Variants in TULP4 observed in about 807,000 individuals in gnomAD.
The protein encoded by TULP4 is tubby-related protein 4.
TULP4 carries 16 observed loss-of-function variants against 129.0 expected under a neutral mutation model. The observed-to-expected ratio is 0.12, with a 90% CI of 0.08 to 0.19. The LOEUF is 0.19. TULP4 is among the 10% of genes least tolerant of loss of function. The pLI, the probability that TULP4 is intolerant of heterozygous loss-of-function variation, is 1.00. For missense variants in TULP4, 1,842 were observed against 2,059.1 expected, an observed-to-expected ratio of 0.89 and a Z score of 2.04; for synonymous variants, 998 against 854.0, an observed-to-expected ratio of 1.17 and a Z score of -2.94.
chr6:158,382,463 C>T (rs967152103), intron 1 of TULP4, among the ~76,000 whole-genome samples: 2 of 152,180 alleles, frequency 1.3e-5, no homozygotes, highest in African/African-American at 4.8e-5. Flanking sequence ...TGAGCTGTGT[C>T]CTCTTTGCTT....
chr6:158,244,202 T>G (rs2128448148), intron 1 of TULP4, among the ~76,000 whole-genome samples: 1 of 152,302 alleles, frequency 6.6e-6, no homozygotes, highest in East Asian at 1.9e-4. Context: ...TCTAGTAATC[T>G]CATAGCTTCC....
At position 158,502,127 on chromosome 6, in the gene TULP4, G is replaced by GC; in HGVS notation, c.2470dup (p.Gln824ProfsTer63). On this transcript the variant is annotated frameshift_variant, in exon 13 of 14. Transcript: ENST00000367097. LOFTEE classifies it high-confidence loss of function. ...TGAGGGGGACGCAGTGGTCTTTAGT[G>GC]CCCCCCAGGAGGTCCAGGTGACGAA... 2 of 1,606,542 alleles carry GC rather than the reference G, an allele frequency of 1.2e-6. No individual in the cohort carries two copies. The highest frequency in any genetic ancestry group is 8.5e-7 in the Non-Finnish European group (1 of 1,176,362).
Position 158,509,254 on chromosome 6 carries a change from CTT to C in TULP4, c.*2561_*2562del, listed in dbSNP as rs1378052219. On this transcript the variant is annotated 3_prime_UTR_variant, in exon 14 of 14. Transcript: ENST00000367097. ...ATTGGGAAAAAATTCCTATTAATCA[CTT>C]AAAAATTTTTTTTTGTATTTTGTGT... 1 of 151,750 alleles carries C rather than the reference CTT, an allele frequency of 6.6e-6. No homozygotes were observed. The highest frequency in any genetic ancestry group is 2.4e-5 in the African/African-American group (1 of 41,268). The allele number at this position is 151,750 out of a possible 1,614,324, so 9.4% of individuals were successfully genotyped here.
intron 2 of TULP4, among the ~76,000 whole-genome samples, chr6:158,426,488 G>A (rs1032217494): frequency 1.3e-5 from 2 of 151,560 alleles, no homozygotes; most frequent in Non-Finnish European, 2.9e-5. Context: ...TCCTTTCCCC[G>A]TTGTTTGTTT....
rs144739382 is a variant in TULP4 at position 158,481,281 on chromosome 6, G to A, written c.1478G>A (p.Ser493Asn). 46 of 1,613,374 alleles carry A rather than the reference G, an allele frequency of 2.9e-5. No individual in the cohort carries two copies. The highest frequency in any genetic ancestry group is 1.7e-4 in the Middle Eastern group (1 of 6,058). The part of the protein sequence containing the change: ...EFVIMDPRTD[S>N]KPDEIYGNSL... ...GTCATCATGGACCCGCGGACAGATA[G>A]CAAACCAGGTGGGCCCCTCACCCGA... The change falls in exon 8 of 14, where the codon AGC (serine) becomes AAC (asparagine). Residue 493 changes from serine to asparagine, a missense_variant. By Grantham distance (46) the Ser-to-Asn change is conservative. Around this residue, in one of 5 missense-constraint regions of TULP4, gnomAD observed 456 missense variants for 534.3 expected, o/e 0.85. Coordinates refer to ENST00000367097, the MANE Select transcript of TULP4 (RefSeq NM_020245.5).
intron 1 of TULP4, among the ~76,000 whole-genome samples, chr6:158,299,846 CAA>C (rs1779103033): frequency 6.6e-6 from 1 of 151,992 alleles, no homozygotes; most frequent in Admixed American, 6.6e-5. Flanking sequence ...ACTGGTAAGA[CAA>C]AGTGTAAGGG....
chr6:158,380,384 C>T (rs1436175364), intron 1 of TULP4, among the ~76,000 whole-genome samples: 2 of 152,164 alleles, frequency 1.3e-5, no homozygotes, highest in African/African-American at 4.8e-5. Context: ...CAGCCATGTC[C>T]TCAGTAGCTC....
At chr6:158,358,962 A>G (rs560531655) in intron 1 of TULP4, among the ~76,000 whole-genome samples, 12 of 152,178 alleles carry the variant, frequency 7.9e-5, no homozygotes, top group Non-Finnish European at 1.6e-4. Flanking sequence ...ACCGGGCAGC[A>G]TGTGCCAATC....
intron 1 of TULP4, among the ~76,000 whole-genome samples, chr6:158,301,084 A>G (rs1185373712): frequency 6.6e-6 from 1 of 152,246 alleles, no homozygotes; most frequent in African/African-American, 2.4e-5. Flanking sequence ...CTTGAAAATA[A>G]AGAAGCCAAT....
At chr6:158,476,604 A>C (rs1779826711) in intron 6 of TULP4, among the ~76,000 whole-genome samples, 1 of 152,268 alleles carries the variant, frequency 6.6e-6, no homozygotes, top group South Asian at 2.1e-4. Context: ...CTACCTGCCT[A>C]ATTACCTGTG....
At chr6:158,296,442 C>G (rs1562509270) in intron 1 of TULP4, among the ~76,000 whole-genome samples, 1 of 151,888 alleles carries the variant, frequency 6.6e-6, no homozygotes, top group Admixed American at 6.6e-5. Flanking sequence ...AGCCTCAAAC[C>G]AGCAAGTTTT....
At chr6:158,264,017 T>A (rs1397738516) in intron 1 of TULP4, among the ~76,000 whole-genome samples, 1 of 152,016 alleles carries the variant, frequency 6.6e-6, no homozygotes, top group East Asian at 1.9e-4. Flanking sequence ...GAGCCAAGAT[T>A]GCACCACTGC....
At chr6:158,377,414 A>C (rs1286406350) in intron 1 of TULP4, among the ~76,000 whole-genome samples, 2 of 152,248 alleles carry the variant, frequency 1.3e-5, no homozygotes, top group Non-Finnish European at 2.9e-5. Context: ...TTGCTTTTAT[A>C]ATGAGGAAAC....
intron 1 of TULP4, among the ~76,000 whole-genome samples, chr6:158,360,700 A>G (rs1323157333): frequency 6.6e-6 from 1 of 152,202 alleles, no homozygotes. Flanking sequence ...AGATGGTAAG[A>G]ATAATCCCAC....
intron 1 of TULP4, among the ~76,000 whole-genome samples, chr6:158,283,061 T>A (rs4710206): frequency 0.16 from 23,485 of 149,946 alleles, 2,450 homozygotes; most frequent in East Asian, 0.43. Context: ...ATCGCTTGAA[T>A]CCAGGAGGCA....
chr6:158,459,609 C>G (rs1252360703), intron 5 of TULP4, among the ~76,000 whole-genome samples: 1 of 107,030 alleles, frequency 9.3e-6, no homozygotes, highest in Non-Finnish European at 2.5e-5. Flanking sequence ...ACCCACTTTT[C>G]TGTTGGGGAA....
chr6:158,482,834 G>C (rs17504147), intron 8 of TULP4, among the ~76,000 whole-genome samples: 17,911 of 152,202 alleles, frequency 0.12, 1,297 homozygotes, highest in South Asian at 0.18. Flanking sequence ...TGAAGAAGAC[G>C]GACCGGAGGC....
chr6:158,326,621 T>C lies in TULP4; in HGVS notation c.252+12353T>C, dbSNP rs969210532. ...TAATCTCTGTAAATGTCTTAATTGC[T>C]TTCACACTTGATAGTTTGGCTGGGT... On this transcript the variant is annotated intron_variant, in intron 1 of 13. Transcript: ENST00000367097. Among the ~76,000 whole-genome samples, 5 of 152,218 alleles carry C rather than the reference T, an allele frequency of 3.3e-5. No individual in the cohort carries two copies. In the East Asian group the frequency reaches 9.6e-4, roughly 29 times the overall value.
Position 158,237,900 on chromosome 6 carries a change from A to G in TULP4, n.68+5597A>G, listed in dbSNP as rs989542375. Reference sequence around the variant, plus strand: ...AAATAAACTGTGCCAGGGTATGAATATCTTTTGGATTTTGTTTCCATAGCT... The same window carrying G: ...AAATAAACTGTGCCAGGGTATGAATGTCTTTTGGATTTTGTTTCCATAGCT... On this transcript the variant is annotated intron_variant and non_coding_transcript_variant, in intron 1 of 1. Transcript: ENST00000620026. 8 of 738,368 alleles carry G rather than the reference A, an allele frequency of 1.1e-5. No homozygotes were observed. The African/African-American group carries it at 1.4e-4, about 13-fold the overall frequency. The allele number at this position is 738,368 out of a possible 1,614,324, so 45.7% of individuals were successfully genotyped here. A position where few individuals can be genotyped will look rare whatever the true frequency, so the allele number is the denominator to read the frequency against.
Sources: allele counts gnomAD v4.1 joint callset (sites outside exome capture counted in the v4.1 genomes callset), GRCh38; gene constraint gnomAD v4.1.1; regional missense constraint gnomAD v4.1.1; transcripts MANE v1.5; gene names NCBI Gene and HGNC (gene_info 2026-07-23, HGNC 2026-07-21).